KCNQ1OT1: variants seen among roughly 807,000 people sequenced by gnomAD.
KCNQ1OT1 encodes the protein KCNQ1 opposite strand/antisense transcript 1.
rs1012387791 is a variant in KCNQ1OT1, at chr11:2,690,675, A to G, written n.9320T>C. The G allele has an allele frequency of 1.3e-5, 5 of 398,524 alleles. No individual in the cohort carries two copies. Among genetic ancestry groups the G allele is most frequent in the Admixed American group, 4.4e-5 (1 of 22,712 alleles). 24.7% of individuals were successfully genotyped at this position (398,524 alleles called of 1,614,324 possible). On this transcript the variant is annotated non_coding_transcript_exon_variant, in exon 1 of 1. Coordinates refer to ENST00000597346, the Ensembl canonical transcript of KCNQ1OT1. This position sits in a 1 kb window ranked among gnomAD's most constrained non-coding sequence, Gnocchi z 5.1. ...TGTATGTGTGTCAGTGCACATAGGT[A>G]TAGGGGCTGTCTCTCAGAATTCCTG... is the stretch of plus-strand genomic sequence containing the variant.
At chr11:2,689,234 T>C in exon 1 of KCNQ1OT1, 1 of 398,752 alleles carries the variant, frequency 2.5e-6, no homozygotes, top group Non-Finnish European at 4.4e-6. Flanking sequence ...TAGGCCAAGC[T>C]TTGAAGTCAG....
rs1489490794 is a variant in KCNQ1OT1, at chr11:2,647,540, C to G, written n.52455G>C. ...AGAATGAGTTAGGGAGAATTCCTTT[C>G]TCTTCAGTCTTTTGGAATTGTCTGA... On this transcript the variant is annotated non_coding_transcript_exon_variant, in exon 1 of 1. Coordinates refer to ENST00000597346, the Ensembl canonical transcript of KCNQ1OT1. The surrounding 1 kb of genome is among the most constrained non-coding windows in gnomAD (Gnocchi z 4.0). 1 of 398,408 alleles carries G rather than the reference C, an allele frequency of 2.5e-6. No homozygotes were observed. Among genetic ancestry groups the G allele is most frequent in the African/African-American group, 2.1e-5 (1 of 48,620 alleles). The allele number at this position is 398,408 out of a possible 1,614,324, so 24.7% of individuals were successfully genotyped here. A position where few individuals can be genotyped will look rare whatever the true frequency, so the allele number is the denominator to read the frequency against.
At chr11:2,655,538 T>C in exon 1 of KCNQ1OT1, 1 of 398,732 alleles carries the variant, frequency 2.5e-6, no homozygotes, top group Non-Finnish European at 4.4e-6. Flanking sequence ...CAACCTTCTC[T>C]GCAGCTGTGA....
chr11:2,657,685 G>A lies in KCNQ1OT1; in HGVS notation n.42310C>T, dbSNP rs1849874340. ...GTTTAACTACTAATGTCCTTTTTCTGTTCCAAGATCCCATCTAGGATCGAT... is the reference window on the plus strand; with the variant it reads ...GTTTAACTACTAATGTCCTTTTTCTATTCCAAGATCCCATCTAGGATCGAT... On this transcript the variant is annotated non_coding_transcript_exon_variant, in exon 1 of 1. Transcript: ENST00000597346. The surrounding 1 kb of genome is among the most constrained non-coding windows in gnomAD (Gnocchi z 4.8). 2 of 398,518 alleles carry A rather than the reference G, an allele frequency of 5.0e-6. No individual in the cohort carries two copies. Among genetic ancestry groups the A allele is most frequent in the Admixed American group, 4.4e-5 (1 of 22,732 alleles). The allele number at this position is 398,518 out of a possible 1,614,324, so 24.7% of individuals were successfully genotyped here. A position where few individuals can be genotyped will look rare whatever the true frequency, so the allele number is the denominator to read the frequency against.
chr11:2,681,793 C>T (rs1850402971), exon 1 of KCNQ1OT1: 1 of 398,442 alleles, frequency 2.5e-6, no homozygotes, highest in South Asian at 1.3e-4. Flanking sequence ...AGAATGGGTA[C>T]AGTCCCTGCC....
Position 2,658,212 on chromosome 11 carries a change from C to A in KCNQ1OT1, n.41783G>T. 2.5e-6 allele frequency: 1 copy of A among 398,562 alleles called. No homozygotes were observed. The highest frequency in any genetic ancestry group is 4.4e-6 in the Non-Finnish European group (1 of 226,040). 24.7% of individuals were successfully genotyped at this position (398,562 alleles called of 1,614,324 possible). The stretch of plus-strand genomic sequence containing the variant: ...AGTTTCACTAACTAATTTCAGCATT[C>A]ATTCATGGATCGTTTTCCTGCAGCA... On this transcript the variant is annotated non_coding_transcript_exon_variant, in exon 1 of 1. Transcript: ENST00000597346. The surrounding 1 kb of genome is among the most constrained non-coding windows in gnomAD (Gnocchi z 4.9).
Position 2,663,951 on chromosome 11 carries a change from G to A in KCNQ1OT1, n.36044C>T. On this transcript the variant is annotated non_coding_transcript_exon_variant, in exon 1 of 1. Coordinates refer to ENST00000597346, the Ensembl canonical transcript of KCNQ1OT1. The surrounding 1 kb of genome is among the most constrained non-coding windows in gnomAD (Gnocchi z 5.2). ...TCTTGTTCCACTCCAGGATGACAGGGCCTGAGAGACCTGAACATCCATCCC... is the reference window on the plus strand; with the variant it reads ...TCTTGTTCCACTCCAGGATGACAGGACCTGAGAGACCTGAACATCCATCCC... 2.5e-6 allele frequency: 1 copy of A among 398,712 alleles called. No individual in the cohort carries two copies. The highest frequency in any genetic ancestry group is 6.3e-4 in the Middle Eastern group (1 of 1,588). The allele number at this position is 398,712 out of a possible 1,614,324, so 24.7% of individuals were successfully genotyped here.
At position 2,663,488 on chromosome 11, in the gene KCNQ1OT1, A is replaced by C. The variant is rs918671505; in HGVS notation, n.36507T>G. The C allele has an allele frequency of 3.3e-5, 13 of 398,646 alleles. 1 individual carries two copies. The highest frequency in any genetic ancestry group is 1.4e-4 in the African/African-American group (7 of 48,742). 24.7% of individuals were successfully genotyped at this position (398,646 alleles called of 1,614,324 possible). On this transcript the variant is annotated non_coding_transcript_exon_variant, in exon 1 of 1. Coordinates refer to ENST00000597346, the Ensembl canonical transcript of KCNQ1OT1. This position sits in a 1 kb window ranked among gnomAD's most constrained non-coding sequence, Gnocchi z 5.2. ...AGTTTAGTGGCTCATGTTGTGTGCA[A>C]TACAGGTGGCAGTGCCTGTATTGCC...
rs145316516 is a variant in KCNQ1OT1 at position 2,656,362 on chromosome 11, C to T, written n.43633G>A. On this transcript the variant is annotated non_coding_transcript_exon_variant, in exon 1 of 1. Coordinates refer to ENST00000597346, the Ensembl canonical transcript of KCNQ1OT1. Reference sequence around the variant, plus strand: ...AAATCTGCACATTCTTCAAGCCTTACAGGTCCTTCCCTGGTCTCTCTAAGG... The same window carrying T: ...AAATCTGCACATTCTTCAAGCCTTATAGGTCCTTCCCTGGTCTCTCTAAGG... The T allele has an allele frequency of 4.2e-4, 167 of 398,664 alleles. 1 individual carries two copies. The East Asian group carries it at 5.8e-3, about 14-fold the overall frequency. 24.7% of individuals were successfully genotyped at this position (398,664 alleles called of 1,614,324 possible). A position where few individuals can be genotyped will look rare whatever the true frequency, so the allele number is the denominator to read the frequency against.
chr11:2,667,209 C>T (rs1053465564), exon 1 of KCNQ1OT1: 11 of 398,620 alleles, frequency 2.8e-5, no homozygotes, highest in Admixed American at 4.4e-5. Flanking sequence ...CCCCGTGGCC[C>T]CCTAACCTTT....
At position 2,698,446 on chromosome 11, in the gene KCNQ1OT1, C is replaced by T. The variant is rs913834142; in HGVS notation, n.1549G>A. ...TCAAGCCTACTACCCAGACTGAGAC[C>T]TGCATCTGATCAACTCTCATCTCCA... On this transcript the variant is annotated non_coding_transcript_exon_variant, in exon 1 of 1. Coordinates refer to ENST00000597346, the Ensembl canonical transcript of KCNQ1OT1. The surrounding 1 kb of genome is among the most constrained non-coding windows in gnomAD (Gnocchi z 5.1). 5.8e-5 allele frequency: 18 copies of T among 310,054 alleles called. No homozygotes were observed. The highest frequency in any genetic ancestry group is 1.8e-4 in the African/African-American group (4 of 22,500). The allele number at this position is 310,054 out of a possible 1,614,324, so 19.2% of individuals were successfully genotyped here.
chr11:2,662,704 G>A lies in KCNQ1OT1; in HGVS notation n.37291C>T, dbSNP rs185259699. On this transcript the variant is annotated non_coding_transcript_exon_variant, in exon 1 of 1. Transcript: ENST00000597346. ...TGCCCAGCGGTGACAGCCGTGCAGC[G>A]GGGTCAGTGGGGCACCCAAGTCCAT... The A allele has an allele frequency of 2.6e-3, 1,065 of 402,008 alleles. 8 individuals carry two copies. Among genetic ancestry groups the A allele is most frequent in the Middle Eastern group, 0.019 (31 of 1,590 alleles). The allele number at this position is 402,008 out of a possible 1,614,324, so 24.9% of individuals were successfully genotyped here.
At position 2,614,292 on chromosome 11, in the gene KCNQ1OT1, A is replaced by G. The variant is rs184019859; in HGVS notation, n.85703T>C. On this transcript the variant is annotated non_coding_transcript_exon_variant, in exon 1 of 1. Transcript: ENST00000597346. ...TGTTCTCCATGTTGACATTTAATAT[A>G]GAGTCTTCTTTTTCTGGTGATAATT... 61 of 398,506 alleles carry G rather than the reference A, an allele frequency of 1.5e-4. 1 individual carries two copies. The South Asian group carries it at 2.9e-3, about 19-fold the overall frequency. The allele number at this position is 398,506 out of a possible 1,614,324, so 24.7% of individuals were successfully genotyped here.
exon 1 of KCNQ1OT1, chr11:2,684,540 TTGA>T (rs1404072453): frequency 6.0e-5 from 24 of 398,638 alleles, no homozygotes; most frequent in African/African-American, 3.3e-4. Context: ...AGCAATATAT[TTGA>T]TGCTTTCTCC....
At chr11:2,660,415 C>T (rs1171723025) in exon 1 of KCNQ1OT1, 1 of 398,428 alleles carries the variant, frequency 2.5e-6, no homozygotes, top group African/African-American at 2.1e-5. Context: ...AGATGTATCA[C>T]TTTAAAAACA....
At chr11:2,660,702 A>G (rs533319506) in exon 1 of KCNQ1OT1, 3 of 398,610 alleles carry the variant, frequency 7.5e-6, no homozygotes, top group South Asian at 1.3e-4. Context: ...GGTGCTGACA[A>G]CCTTCATTCG....
At position 2,695,831 on chromosome 11, in the gene KCNQ1OT1, T is replaced by C; in HGVS notation, n.4164A>G. 1 of 398,656 alleles carries C rather than the reference T, an allele frequency of 2.5e-6. No homozygotes were observed. Among genetic ancestry groups the C allele is most frequent in the East Asian group, 3.6e-5 (1 of 28,084 alleles). The allele number at this position is 398,656 out of a possible 1,614,324, so 24.7% of individuals were successfully genotyped here. The stretch of plus-strand genomic sequence containing the variant: ...GTTGCTTTCATTTACATTTCTCTGA[T>C]AACTGATTAGCTTGGGCAAATTTTC... On this transcript the variant is annotated non_coding_transcript_exon_variant, in exon 1 of 1. Transcript: ENST00000597346. The surrounding 1 kb of genome is among the most constrained non-coding windows in gnomAD (Gnocchi z 5.2).
rs1245778962 is a variant in KCNQ1OT1, at chr11:2,652,909, T to G, written n.47086A>C. On this transcript the variant is annotated non_coding_transcript_exon_variant, in exon 1 of 1. Transcript: ENST00000597346. This position sits in a 1 kb window ranked among gnomAD's most constrained non-coding sequence, Gnocchi z 5.9. ...GTGTGGGGTGTGGTCCTCAGTATCC[T>G]AAACTTAGGTTTTGGAAAGCCCAGC... 5.0e-6 allele frequency: 2 copies of G among 398,572 alleles called. No homozygotes were observed. Among genetic ancestry groups the G allele is most frequent in the African/African-American group, 4.1e-5 (2 of 48,656 alleles). 24.7% of individuals were successfully genotyped at this position (398,572 alleles called of 1,614,324 possible).
chr11:2,616,505 T>C, exon 1 of KCNQ1OT1: 2 of 398,002 alleles, frequency 5.0e-6, no homozygotes, highest in South Asian at 1.3e-4. Flanking sequence ...CCTTCTTCTT[T>C]TTCAGTGTGG....
Sources: gnomAD v4.1 joint callset for allele counts on GRCh38, gnomAD v4.1.1 for gene constraint, Gnocchi (gnomAD v3.1) non-coding constraint, MANE v1.5 for transcripts, NCBI Gene and HGNC (gene_info 2026-07-23, HGNC 2026-07-21) for gene names.